The following GOLGA3 variants were observed in gnomAD, a reference collection of about 807,000 sequenced individuals.
GOLGA3 encodes the protein golgin A3, also known as golgin subfamily A member 3.
Under a neutral mutation model 169.4 loss-of-function variants are expected in GOLGA3, and 75 were observed. The ratio of observed to expected loss-of-function variants is 0.44; its 90% CI spans 0.37 to 0.54. GOLGA3 has a LOEUF of 0.54. Ranked by LOEUF, GOLGA3 falls within the 20% of genes least tolerant of loss-of-function variation. The probability of loss-of-function intolerance (pLI) is 0.00; values close to 1 mark genes in which losing one functional copy is unlikely to be tolerated. For missense variants in GOLGA3, 1,899 were observed against 1,930.0 expected (o/e 0.98, Z 0.30); for synonymous variants, 824 against 822.4 (o/e 1.00, Z -0.03).
intron 6 of GOLGA3, among the ~76,000 whole-genome samples, chr12:132,806,573 G>A (rs1437194489): frequency 6.6e-6 from 1 of 152,240 alleles, no homozygotes; most frequent in Non-Finnish European, 1.5e-5. Context: ...GCAGGCCACA[G>A]GAGGCTCCCT....
intron 21 of GOLGA3, among the ~76,000 whole-genome samples, chr12:132,776,364 C>T (rs2045239157): frequency 7.1e-6 from 1 of 141,792 alleles, no homozygotes; most frequent in African/African-American, 2.7e-5. Context: ...CTCCCTGCTG[C>T]TCCCGCCTGT....
intron 4 of GOLGA3, among the ~76,000 whole-genome samples, chr12:132,808,929 A>G (rs1233212535): frequency 6.6e-6 from 1 of 152,160 alleles, no homozygotes; most frequent in Non-Finnish European, 1.5e-5. Flanking sequence ...ACACAAGACA[A>G]AGAGACAAGA....
chr12:132,807,252 C>T lies in GOLGA3; in HGVS notation c.1215G>A (p.Glu405=). ...SLESSAAETQ[E]EMLQVLKEKM... ...TCTCTTTGAGCACCTGCAGCATCTCCTCCTGTGTTTCTGCTGCAGAGCTCT... is the reference window on the plus strand; with the variant it reads ...TCTCTTTGAGCACCTGCAGCATCTCTTCCTGTGTTTCTGCTGCAGAGCTCT... The change falls in exon 6 of 24, where the codon GAG becomes GAA. Residue 405 remains glutamate (E), a synonymous_variant. Transcript: ENST00000450791. 1 of 1,594,010 alleles carries T rather than the reference C, an allele frequency of 6.3e-7. No homozygotes were observed. Among genetic ancestry groups the T allele is most frequent in the Non-Finnish European group, 8.6e-7 (1 of 1,168,808 alleles).
rs554585628 is a variant in GOLGA3, at chr12:132,796,991, G to A, written c.1939-291C>T. On this transcript the variant is annotated intron_variant, in intron 9 of 23. Transcript: ENST00000450791. ...CGTGTGGCGACAGCTGCCTCCTTTC[G>A]GGAGTGAGACCCGGACATGCTCTCA... Among the ~76,000 whole-genome samples the A allele has an allele frequency of 2.6e-5, 4 of 152,312 alleles. No individual in the cohort carries two copies. In the South Asian group the frequency reaches 6.2e-4, roughly 24 times the overall value.
At chr12:132,806,317 G>A (rs1247182292) in intron 6 of GOLGA3, among the ~76,000 whole-genome samples, 1 of 152,222 alleles carries the variant, frequency 6.6e-6, no homozygotes, top group Non-Finnish European at 1.5e-5. Flanking sequence ...ACACAGAGGA[G>A]GGGAAATGCA....
At chr12:132,797,228 G>A (rs924209651) in intron 9 of GOLGA3, among the ~76,000 whole-genome samples, 5 of 152,218 alleles carry the variant, frequency 3.3e-5, no homozygotes, top group Non-Finnish European at 7.3e-5. Flanking sequence ...TAATGCCACA[G>A]AGAGGTGGGA....
At position 132,804,906 on chromosome 12, in the gene GOLGA3, C is replaced by G; in HGVS notation, c.1407G>C (p.Glu469Asp). The change falls in exon 7 of 24, where the codon GAG becomes GAC. Residue 469 changes from glutamate (E) to aspartate (D), a missense_variant. Transcript: ENST00000450791. This position sits in a 1 kb window ranked among gnomAD's most constrained non-coding sequence, Gnocchi z 4.1. The stretch of plus-strand genomic sequence containing the variant: ...AGCACGACTGCTTCAGGGTGTCCAC[C>G]TCCGAGCTCAGCGAATCCTGCCGCT... Reference protein sequence around the residue: ...SQQRQDSLSSEVDTLKQSCWD... With the variant: ...SQQRQDSLSSDVDTLKQSCWD... 1 of 1,613,982 alleles carries G rather than the reference C, an allele frequency of 6.2e-7. No individual in the cohort carries two copies. Among genetic ancestry groups the G allele is most frequent in the African/African-American group, 1.3e-5 (1 of 75,062 alleles).
At chr12:132,806,469 T>C (rs1227960837) in intron 6 of GOLGA3, among the ~76,000 whole-genome samples, 4 of 152,204 alleles carry the variant, frequency 2.6e-5, no homozygotes, top group Admixed American at 1.3e-4. Context: ...CCAAGGACCA[T>C]GTTGTATGAG....
Position 132,794,331 on chromosome 12 carries a change from T to C in GOLGA3, c.2469+1521A>G, listed in dbSNP as rs61951354. The stretch of plus-strand genomic sequence containing the variant: ...GCAACATGGCAAAACCCCGTATCTA[T>C]TTAAAAAAAAAAAAAAAAAAAAAGA... On this transcript the variant is annotated intron_variant, in intron 11 of 23. Transcript: ENST00000450791. Among the ~76,000 whole-genome samples the C allele has an allele frequency of 4.4e-3, 645 of 146,258 alleles. 2 individuals are homozygous for C. The highest frequency in any genetic ancestry group is 7.1e-3 in the Non-Finnish European group (473 of 66,364).
At position 132,769,855 on chromosome 12, in the gene GOLGA3, T is replaced by C. The variant is rs2044820811; in HGVS notation, c.*3250A>G. 1.3e-5 allele frequency: 2 copies of C among 152,196 alleles called. No homozygotes were observed. Among genetic ancestry groups the C allele is most frequent in the South Asian group, 4.1e-4 (2 of 4,832 alleles). The allele number at this position is 152,196 out of a possible 1,614,324, so 9.4% of individuals were successfully genotyped here. A position where few individuals can be genotyped will look rare whatever the true frequency, so the allele number is the denominator to read the frequency against. Reference sequence around the variant, plus strand: ...CAAGAACAAAATAATTCAAACTTTATGCACTGAAGTAACTCTGGAAGGTAG... The same window carrying C: ...CAAGAACAAAATAATTCAAACTTTACGCACTGAAGTAACTCTGGAAGGTAG... On this transcript the variant is annotated 3_prime_UTR_variant, in exon 24 of 24. Transcript: ENST00000450791.
intron 18 of GOLGA3, among the ~76,000 whole-genome samples, chr12:132,779,218 T>C (rs1339576853): frequency 6.6e-6 from 1 of 152,142 alleles, no homozygotes; most frequent in African/African-American, 2.4e-5. Flanking sequence ...TAGCTGGGAC[T>C]ACAGGCATGT....
chr12:132,768,997 A>G lies in GOLGA3; in HGVS notation c.*4108T>C, dbSNP rs1163216049. On this transcript the variant is annotated 3_prime_UTR_variant, in exon 24 of 24. Transcript: ENST00000450791. ...TTTGTAAAAAATCAACGTGCTTTTT[A>G]AAGTTACACTTTGTCAGACACGGTG... 3.9e-5 allele frequency: 6 copies of G among 152,706 alleles called. No individual in the cohort carries two copies. The highest frequency in any genetic ancestry group is 1.2e-4 in the African/African-American group (5 of 41,476). 9.5% of individuals were successfully genotyped at this position (152,706 alleles called of 1,614,324 possible).
chr12:132,786,220 T>G, intron 15 of GOLGA3, 119 bp downstream of exon 15: 1 of 660,778 alleles, frequency 1.5e-6, no homozygotes, highest in Admixed American at 3.1e-5. Context: ...GTTTAGAGAG[T>G]TGCCACCTCC....
chr12:132,777,873 C>T lies in GOLGA3; in HGVS notation c.3583-68G>A. The stretch of plus-strand genomic sequence containing the variant: ...CCACAGCTTTATGACGTGCCGGGCG[C>T]AGGGGGTGAATGCACTCCCGGCCCC... On this transcript the variant is annotated intron_variant, in intron 18 of 23. Coordinates refer to ENST00000450791, the MANE Select transcript of GOLGA3 (RefSeq NM_001389683.1). The surrounding 1 kb of genome is among the most constrained non-coding windows in gnomAD (Gnocchi z 4.7). The T allele has an allele frequency of 6.4e-7, 1 of 1,563,772 alleles. No homozygotes were observed. The highest frequency in any genetic ancestry group is 8.7e-7 in the Non-Finnish European group (1 of 1,149,130).
chr12:132,774,479 C>T, intron 22 of GOLGA3, 159 bp from the exon 23 acceptor site: 1 of 702,472 alleles, frequency 1.4e-6, no homozygotes, highest in Non-Finnish European at 2.4e-6. Context: ...ACGACAGTCC[C>T]CGGAGCTCCA....
intron 1 of GOLGA3, among the ~76,000 whole-genome samples, chr12:132,826,560 C>T (rs1950423941): frequency 6.6e-6 from 1 of 151,980 alleles, no homozygotes; most frequent in Admixed American, 6.6e-5. Context: ...CTTAATTCCC[C>T]TGCTGGTGTC....
In GOLGA3 at chr12:132,791,289, T is replaced by C; in HGVS notation, c.2474A>G (p.Glu825Gly). ...EELAIKSGQV[E>G]HLQQETAALK... is the part of the protein sequence containing the mutation. ...AGCAGCAGTCTCCTGCTGCAGGTGT[T>C]CCACCTGTGGGAGACATGTGCACAG... is the stretch of plus-strand genomic sequence containing the variant. Residue 825 changes from glutamate to glycine, a missense_variant, in exon 12 of 24, where the codon GAA (glutamate) becomes GGA (glycine). Transcript: ENST00000450791. 6.3e-7 allele frequency: 1 copy of C among 1,591,514 alleles called. No individual in the cohort carries two copies. Among genetic ancestry groups the C allele is most frequent in the Non-Finnish European group, 8.6e-7 (1 of 1,161,600 alleles).
chr12:132,825,644 T>TGAGGGAGTC (rs1950379806), intron 1 of GOLGA3: 1 of 763,358 alleles, frequency 1.3e-6, no homozygotes, highest in South Asian at 1.5e-5. Flanking sequence ...TCAGTTCCAA[T>TGAGGGAGTC]GAGGGAGTCC....
intron 12 of GOLGA3, among the ~76,000 whole-genome samples, chr12:132,790,283 G>A (rs546447700): frequency 3.2e-4 from 49 of 152,120 alleles, no homozygotes; most frequent in African/African-American, 7.7e-4. Context: ...GCAGTGAGCC[G>A]AGATCGCACC....
Sources: allele counts gnomAD v4.1 joint callset (sites outside exome capture counted in the v4.1 genomes callset), GRCh38; gene constraint gnomAD v4.1.1; non-coding constraint Gnocchi (gnomAD v3.1); transcripts MANE v1.5; gene names NCBI Gene and HGNC (gene_info 2026-07-23, HGNC 2026-07-21).